ADGRB3: variants seen among roughly 807,000 people sequenced by gnomAD.
ADGRB3 encodes brain-specific angiogenesis inhibitor 3.
In ADGRB3, 37 loss-of-function variants were observed where a neutral mutation model predicts 193.4. The observed-to-expected ratio is 0.19, with a 90% CI of 0.15 to 0.25. The LOEUF (loss-of-function observed/expected upper bound fraction) is 0.25, where lower values mean the gene tolerates loss of function less well. ADGRB3 is among the 10% of genes least tolerant of loss of function. The pLI is 1.00. For synonymous variants in ADGRB3, 690 were observed against 644.2 expected (o/e 1.07, Z -1.08); for missense variants, 1,637 against 1,852.9 (o/e 0.88, Z 2.14).
intron 3 of ADGRB3, among the ~76,000 whole-genome samples, chr6:68,832,827 A>G (rs545342560): frequency 1.3e-5 from 2 of 152,266 alleles, no homozygotes; most frequent in East Asian, 3.9e-4. Context: ...ATCTCTGGAA[A>G]ATAAGTTTGG....
intron 3 of ADGRB3, among the ~76,000 whole-genome samples, chr6:68,640,280 G>C (rs556596441): frequency 9.9e-5 from 15 of 152,182 alleles, no homozygotes; most frequent in Non-Finnish European, 1.8e-4. Context: ...GGGAAAGGAG[G>C]GGGAGGAAGT....
chr6:68,987,530 G>T (rs376755647), intron 10 of ADGRB3, among the ~76,000 whole-genome samples: 1 of 151,962 alleles, frequency 6.6e-6, no homozygotes, highest in African/African-American at 2.4e-5. Flanking sequence ...TTAAACATAC[G>T]AACACATTTA....
intron 11 of ADGRB3, among the ~76,000 whole-genome samples, chr6:69,004,807 G>C (rs940356248): frequency 2.6e-5 from 4 of 152,186 alleles, no homozygotes; most frequent in Admixed American, 2.0e-4. Context: ...TTTGGGGTTG[G>C]GGGGTGCTGA....
intron 30 of ADGRB3, among the ~76,000 whole-genome samples, chr6:69,377,410 G>A (rs1038831504): frequency 1.3e-5 from 2 of 151,934 alleles, no homozygotes; most frequent in Non-Finnish European, 2.9e-5. Context: ...ATCATAGTAA[G>A]TAGAACTTCT....
At chr6:69,021,969 G>A (rs1278580703) in intron 13 of ADGRB3, among the ~76,000 whole-genome samples, 1 of 151,482 alleles carries the variant, frequency 6.6e-6, no homozygotes, top group Admixed American at 6.6e-5. Flanking sequence ...TTTAGCAGAG[G>A]TTTGGAAAAA....
intron 3 of ADGRB3, among the ~76,000 whole-genome samples, chr6:68,705,907 C>T (rs761387008): frequency 8.5e-5 from 13 of 152,126 alleles, no homozygotes; most frequent in Non-Finnish European, 1.6e-4. Context: ...AGGAGTGATT[C>T]TGGCTAACCC....
chr6:69,154,563 C>T lies in ADGRB3; in HGVS notation c.2480+78525C>T, dbSNP rs140096045. On this transcript the variant is annotated intron_variant, in intron 17 of 31. Transcript: ENST00000370598. ...CTAGAATAATTTTGTTCATATACTT[C>T]CTCCTTTGCCTGGCAAATTCAGATC... 4.0e-3 allele frequency among the ~76,000 whole-genome samples: 605 copies of T among 152,286 alleles called. 5 individuals are homozygous for T. The highest frequency in any genetic ancestry group is 6.6e-3 in the Non-Finnish European group (447 of 68,028).
At chr6:69,030,510 CAA>C (rs1390247117) in intron 13 of ADGRB3, among the ~76,000 whole-genome samples, 1 of 152,082 alleles carries the variant, frequency 6.6e-6, no homozygotes, top group African/African-American at 2.4e-5. Flanking sequence ...CAAACTAACA[CAA>C]GAACAGAAAA....
chr6:69,387,514 T>C (rs558567766), intron 31 of ADGRB3, among the ~76,000 whole-genome samples: 1 of 152,256 alleles, frequency 6.6e-6, no homozygotes, highest in South Asian at 2.1e-4. Context: ...TGAAAACATC[T>C]AATGCATTAA....
intron 20 of ADGRB3, among the ~76,000 whole-genome samples, chr6:69,265,246 C>T (rs1304647696): frequency 6.6e-6 from 1 of 151,896 alleles, no homozygotes; most frequent in Non-Finnish European, 1.5e-5. Flanking sequence ...AAGTGATGCT[C>T]ATATGCAGCT....
rs758154714 is a variant in ADGRB3 at position 69,338,996 on chromosome 6, C to G, written c.3269C>G (p.Thr1090Ser). 6.2e-7 allele frequency: 1 copy of G among 1,613,770 alleles called. No individual in the cohort carries two copies. The highest frequency in any genetic ancestry group is 1.7e-5 in the Admixed American group (1 of 59,976). Residue 1090 changes from threonine (T) to serine (S), a missense_variant, in exon 25 of 32, where the codon ACC becomes AGC. Around this residue, in one of 7 missense-constraint regions of ADGRB3, gnomAD observed 56 missense variants for 53.3 expected, o/e 1.05. Transcript: ENST00000370598. Reference sequence around the variant, plus strand: ...GTTTCAACAACAGCTTTGTCAGCCACCACCGCCAGTAACGCCATGTTAGTC... The same window carrying G: ...GTTTCAACAACAGCTTTGTCAGCCAGCACCGCCAGTAACGCCATGTTAGTC... ...GVVSTTALSA[T>S]TASNAMASLW...
chr6:68,721,902 T>G (rs1765589653), intron 3 of ADGRB3, among the ~76,000 whole-genome samples: 1 of 151,364 alleles, frequency 6.6e-6, no homozygotes, highest in African/African-American at 2.4e-5. Context: ...ATTAAGCATC[T>G]TTTTAATGTA....
rs529938151 is a variant in ADGRB3 at position 68,715,920 on chromosome 6, G to A, written c.757+76488G>A. 3.1e-3 allele frequency among the ~76,000 whole-genome samples: 476 copies of A among 151,808 alleles called. 4 individuals are homozygous for A. The highest frequency in any genetic ancestry group is 0.011 in the African/African-American group (466 of 41,460). ...AACCACTACACTCTTTCTTGGAGTA[G>A]GTGTATTGGGGTGTATGCATCTGGT... On this transcript the variant is annotated intron_variant, in intron 3 of 31. Transcript: ENST00000370598.
chr6:69,103,683 A>G (rs1773130046), intron 17 of ADGRB3, among the ~76,000 whole-genome samples: 2 of 151,818 alleles, frequency 1.3e-5, no homozygotes, highest in African/African-American at 2.4e-5. Flanking sequence ...AACAAGGGCA[A>G]TTGGATGACT....
intron 17 of ADGRB3, among the ~76,000 whole-genome samples, chr6:69,216,462 GC>G (rs1284131201): frequency 6.6e-6 from 1 of 152,150 alleles, no homozygotes; most frequent in Non-Finnish European, 1.5e-5. Flanking sequence ...GTTGCCATCG[GC>G]CCAGGAGAAA....
intron 3 of ADGRB3, among the ~76,000 whole-genome samples, chr6:68,914,899 C>T (rs1476070430): frequency 6.6e-6 from 1 of 152,054 alleles, no homozygotes; most frequent in Non-Finnish European, 1.5e-5. Flanking sequence ...GCATATTTTG[C>T]TTCCCATAGA....
intron 17 of ADGRB3, among the ~76,000 whole-genome samples, chr6:69,089,856 G>T (rs1479432011): frequency 6.6e-6 from 1 of 152,134 alleles, no homozygotes; most frequent in Non-Finnish European, 1.5e-5. Context: ...AGTTGTGATG[G>T]CCAAACATGT....
At chr6:69,043,314 A>AAGAAAGAAAGAAAGAAAG (rs1327947777) in intron 13 of ADGRB3, among the ~76,000 whole-genome samples, 1 of 151,080 alleles carries the variant, frequency 6.6e-6, no homozygotes, top group African/African-American at 2.4e-5. Flanking sequence ...GAAAGAAAGA[A>AAGAAAGAAAGAAAGAAAG]AGAAAGAAAG....
intron 12 of ADGRB3, 33 bp downstream of exon 12, chr6:69,014,139 G>A: frequency 6.7e-7 from 1 of 1,483,070 alleles, no homozygotes; most frequent in African/African-American, 1.4e-5. Context: ...ACTTGAAGTT[G>A]GCAAAACAAA....
Sources: allele counts gnomAD v4.1 joint callset (sites outside exome capture counted in the v4.1 genomes callset), GRCh38; gene constraint gnomAD v4.1.1; regional missense constraint gnomAD v4.1.1; transcripts MANE v1.5; gene names NCBI Gene and HGNC (gene_info 2026-07-23, HGNC 2026-07-21).